TFAP2E: variants seen among roughly 807,000 people sequenced by gnomAD.
TFAP2E encodes transcription factor AP-2 epsilon.
A neutral mutation model predicts 37.9 loss-of-function variants in TFAP2E; 30 were observed. The observed-to-expected ratio is 0.79, with a 90% confidence interval of 0.59 to 1.07. TFAP2E has a LOEUF of 1.07. Among genes scored for constraint, TFAP2E ranks in the 50% least tolerant of loss-of-function variants. The pLI, the probability that TFAP2E is intolerant of heterozygous loss-of-function variation, is 0.00. For missense variants in TFAP2E, 567 were observed against 637.9 expected (o/e 0.89, Z 1.20); for synonymous variants, 318 against 295.8 (o/e 1.08, Z -0.77).
intron 3 of TFAP2E, among the ~76,000 whole-genome samples, chr1:35,575,652 A>C (rs1309483358): frequency 6.6e-6 from 1 of 151,606 alleles, no homozygotes; most frequent in Non-Finnish European, 1.5e-5. Context: ...TTGGAGTGTG[A>C]GTGTGTCTGT....
chr1:35,574,155 G>T lies in TFAP2E; in HGVS notation c.256G>T (p.Gly86Cys). Reference sequence around the variant, plus strand: ...CCACCTGGCAGGGGACCCATATGGCGGCCTGGCGCCCCTGGCGCAGCCGCA... The same window carrying T: ...CCACCTGGCAGGGGACCCATATGGCTGCCTGGCGCCCCTGGCGCAGCCGCA... ...FPHLAGDPYG[G>C]LAPLAQPQPP... Residue 86 changes from glycine to cysteine, a missense_variant, in exon 2 of 7, where the codon GGC (glycine) becomes TGC (cysteine). This residue lies in a region of TFAP2E where 312 missense variants were observed against 317.4 expected (regional missense o/e 0.98). Coordinates refer to ENST00000373235, the MANE Select transcript of TFAP2E (RefSeq NM_178548.4). The T allele has an allele frequency of 7.0e-7, 1 of 1,434,844 alleles. No individual in the cohort carries two copies. The allele number at this position is 1,434,844 out of a possible 1,614,324, so 88.9% of individuals were successfully genotyped here.
At chr1:35,584,517 T>A (rs1431651216) in intron 3 of TFAP2E, among the ~76,000 whole-genome samples, 6 of 152,130 alleles carry the variant, frequency 3.9e-5, no homozygotes, top group Admixed American at 3.9e-4. Flanking sequence ...TTTGCCCTTC[T>A]TTTTATTTTT....
chr1:35,582,291 T>G (rs143055814), intron 3 of TFAP2E, among the ~76,000 whole-genome samples: 1,931 of 152,284 alleles, frequency 0.013, 49 homozygotes, highest in African/African-American at 0.044. Context: ...ACCATTCATC[T>G]CTCATTTTTA....
Position 35,588,041 on chromosome 1 carries a change from C to T in TFAP2E, c.563-289C>T, listed in dbSNP as rs77166184. Among the ~76,000 whole-genome samples, 25,063 of 152,128 alleles carry T rather than the reference C, an allele frequency of 0.16. 2,693 individuals are homozygous for T. Among genetic ancestry groups the T allele is most frequent in the Non-Finnish European group, 0.25 (17,291 of 67,920 alleles). On this transcript the variant is annotated intron_variant, in intron 3 of 6. Coordinates refer to ENST00000373235, the MANE Select transcript of TFAP2E (RefSeq NM_178548.4). This position sits in a 1 kb window ranked among gnomAD's most constrained non-coding sequence, Gnocchi z 5.1. Reference sequence around the variant, plus strand: ...CCTCCAGCTCACACTCATATCCTTACATCCAGGTCCCTCTCTGATGGCATC... The same window carrying T: ...CCTCCAGCTCACACTCATATCCTTATATCCAGGTCCCTCTCTGATGGCATC...
chr1:35,593,145 G>C (rs372883313), intron 6 of TFAP2E, among the ~76,000 whole-genome samples: 79 of 152,158 alleles, frequency 5.2e-4, no homozygotes, highest in African/African-American at 1.8e-3. Context: ...AGGAGTTCAA[G>C]GCCAGCCTGG....
chr1:35,594,393 GGCA>G lies in TFAP2E; in HGVS notation c.1048_1050del (p.Gln350del). 1.2e-6 allele frequency: 2 copies of G among 1,612,646 alleles called. No individual in the cohort carries two copies. The highest frequency in any genetic ancestry group is 1.7e-6 in the Non-Finnish European group (2 of 1,179,732). ...ACCTCTGACCCTCCTTCTCGCACCA[GGCA>G]GATCTGCAAGGAGTTTGCAGACTTG... On this transcript the variant is annotated inframe_deletion and splice_region_variant, in exon 7 of 7. Coordinates refer to ENST00000373235, the MANE Select transcript of TFAP2E (RefSeq NM_178548.4).
At chr1:35,584,642 ATCC>A (rs1557436172) in intron 3 of TFAP2E, among the ~76,000 whole-genome samples, 1 of 152,028 alleles carries the variant, frequency 6.6e-6, no homozygotes, top group African/African-American at 2.4e-5. Context: ...GGCTCAAGCA[ATCC>A]TCCTACCTCA....
rs1649546775 is a variant in TFAP2E at position 35,588,270 on chromosome 1, C to T, written c.563-60C>T. Reference sequence around the variant, plus strand: ...CTTCATAAAGCAAGGATACCAGACCCTCCCTTGAGTGGGGCTGTGTGCGGC... The same window carrying T: ...CTTCATAAAGCAAGGATACCAGACCTTCCCTTGAGTGGGGCTGTGTGCGGC... On this transcript the variant is annotated intron_variant, in intron 3 of 6. Transcript: ENST00000373235. The surrounding 1 kb of genome is among the most constrained non-coding windows in gnomAD (Gnocchi z 5.1). 2 of 1,513,362 alleles carry T rather than the reference C, an allele frequency of 1.3e-6. No homozygotes were observed. Among genetic ancestry groups the T allele is most frequent in the Admixed American group, 3.8e-5 (2 of 52,992 alleles). The allele number at this position is 1,513,362 out of a possible 1,614,324, so 93.7% of individuals were successfully genotyped here. A position where few individuals can be genotyped will look rare whatever the true frequency, so the allele number is the denominator to read the frequency against.
Position 35,577,782 on chromosome 1 carries a change from G to C in TFAP2E, c.562+2782G>C, listed in dbSNP as rs1451206982. The C allele has an allele frequency of 8.5e-6, 2 of 236,216 alleles. No homozygotes were observed. Among genetic ancestry groups the C allele is most frequent in the Non-Finnish European group, 1.8e-5 (2 of 113,522 alleles). The allele number at this position is 236,216 out of a possible 1,614,324, so 14.6% of individuals were successfully genotyped here. The stretch of plus-strand genomic sequence containing the variant: ...CTGCAGGCAAGCGTCCGGGAGGGGC[G>C]GCCAGGCGAAGCCCCGGCGCTTTAC... On this transcript the variant is annotated intron_variant, in intron 3 of 6. Coordinates refer to ENST00000373235, the MANE Select transcript of TFAP2E (RefSeq NM_178548.4). This position sits in a 1 kb window ranked among gnomAD's most constrained non-coding sequence, Gnocchi z 6.3.
At chr1:35,576,331 T>C (rs940041166) in intron 3 of TFAP2E, among the ~76,000 whole-genome samples, 2 of 152,096 alleles carry the variant, frequency 1.3e-5, no homozygotes, top group Non-Finnish European at 2.9e-5. Flanking sequence ...CTGTGTCCTG[T>C]GTCGCTTGGA....
At position 35,573,722 on chromosome 1, in the gene TFAP2E, C is replaced by A; in HGVS notation, c.27+118C>A. 6.9e-7 allele frequency: 1 copy of A among 1,459,112 alleles called. No individual in the cohort carries two copies. The highest frequency in any genetic ancestry group is 1.3e-5 in the South Asian group (1 of 74,564). The allele number at this position is 1,459,112 out of a possible 1,614,324, so 90.4% of individuals were successfully genotyped here. On this transcript the variant is annotated intron_variant, in intron 1 of 6. Transcript: ENST00000373235. The surrounding 1 kb of genome is among the most constrained non-coding windows in gnomAD (Gnocchi z 5.9). ...TCTCGGAGGGAGGGGGCCGCAGGGA[C>A]TTCGCCAGCTGAGAACGCGATGCGC...
In TFAP2E at chr1:35,574,226, C is replaced by G; in HGVS notation, c.327C>G (p.Ala109=). ...AWAAPRAAAR[A]HEEPPGLLAP... Reference sequence around the variant, plus strand: ...CCGCGCCCCGCGCAGCCGCCCGCGCCCACGAGGAGCCTCCCGGCCTGCTGG... The same window carrying G: ...CCGCGCCCCGCGCAGCCGCCCGCGCGCACGAGGAGCCTCCCGGCCTGCTGG... Residue 109 remains alanine (A), a synonymous_variant, in exon 2 of 7, where the codon GCC becomes GCG. Transcript: ENST00000373235. The G allele has an allele frequency of 8.0e-7, 1 of 1,243,142 alleles. No homozygotes were observed. The highest frequency in any genetic ancestry group is 1.0e-6 in the Non-Finnish European group (1 of 990,524). 77.0% of individuals were successfully genotyped at this position (1,243,142 alleles called of 1,614,324 possible). A position where few individuals can be genotyped will look rare whatever the true frequency, so the allele number is the denominator to read the frequency against.
intron 6 of TFAP2E, 66 bp from the exon 7 acceptor site, chr1:35,594,328 T>C: frequency 6.4e-7 from 1 of 1,570,316 alleles, no homozygotes; most frequent in Non-Finnish European, 8.6e-7. Context: ...ATGCCTAGCA[T>C]GTAGCAGGTC....
chr1:35,585,589 T>C (rs923855688), intron 3 of TFAP2E, among the ~76,000 whole-genome samples: 4 of 152,262 alleles, frequency 2.6e-5, no homozygotes, highest in African/African-American at 9.6e-5. Flanking sequence ...TGAAGGCTAA[T>C]TTCAAACAAT....
chr1:35,588,652 T>C lies in TFAP2E; in HGVS notation c.785+100T>C, dbSNP rs1649561498. ...GGAGGCCAGTCTCACCTAGGCCCTC[T>C]GCCTCAGTCTCCCTGGGAGGGGAGG... On this transcript the variant is annotated intron_variant, in intron 4 of 6. Coordinates refer to ENST00000373235, the MANE Select transcript of TFAP2E (RefSeq NM_178548.4). The surrounding 1 kb of genome is among the most constrained non-coding windows in gnomAD (Gnocchi z 5.1). The C allele has an allele frequency of 1.1e-5, 14 of 1,243,568 alleles. No homozygotes were observed. In the South Asian group the frequency reaches 2.2e-4, roughly 19 times the overall value. 77.0% of individuals were successfully genotyped at this position (1,243,568 alleles called of 1,614,324 possible).
At position 35,574,538 on chromosome 1, in the gene TFAP2E, C is replaced by G. The variant is rs78656572; in HGVS notation, c.510+129C>G. On this transcript the variant is annotated intron_variant, in intron 2 of 6. Transcript: ENST00000373235. Reference sequence around the variant, plus strand: ...GCTCGCCACATCTCACTGGTGACTCCGAGGATGTGTCCCACCTCCTGGGTT... The same window carrying G: ...GCTCGCCACATCTCACTGGTGACTCGGAGGATGTGTCCCACCTCCTGGGTT... The G allele has an allele frequency of 3.1e-3, 4,179 of 1,340,280 alleles. 111 individuals are homozygous for G. The African/African-American group carries it at 0.056, about 18-fold the overall frequency. The allele number at this position is 1,340,280 out of a possible 1,614,324, so 83.0% of individuals were successfully genotyped here. A position where few individuals can be genotyped will look rare whatever the true frequency, so the allele number is the denominator to read the frequency against.
chr1:35,594,815 TG>T lies in TFAP2E; in HGVS notation c.*143del, dbSNP rs760668791. 7.5e-7 allele frequency: 1 copy of T among 1,329,958 alleles called. No homozygotes were observed. Among genetic ancestry groups the T allele is most frequent in the Non-Finnish European group, 1.0e-6 (1 of 980,292 alleles). 82.4% of individuals were successfully genotyped at this position (1,329,958 alleles called of 1,614,324 possible). The stretch of plus-strand genomic sequence containing the variant: ...AACATTCATCCAGAGATCCCAGAGT[TG>T]GGGATCTGGCTTGGAGTAAGGGAGG... On this transcript the variant is annotated 3_prime_UTR_variant, in exon 7 of 7. Transcript: ENST00000373235.
In TFAP2E at chr1:35,574,330, C is replaced by A; in HGVS notation, c.431C>A (p.Ala144Asp). Residue 144 changes from alanine to aspartate, a missense_variant, in exon 2 of 7, where the codon GCC (alanine) becomes GAC (aspartate). This residue lies in a region of TFAP2E where 312 missense variants were observed against 317.4 expected (regional missense o/e 0.98). Coordinates refer to ENST00000373235, the MANE Select transcript of TFAP2E (RefSeq NM_178548.4). ...TAVPRLLHGL[A>D]DGAHGLADAP... ...GTGCCCCGGCTCCTGCACGGCCTGG[C>A]CGACGGCGCGCACGGCCTGGCAGAC... 2 of 1,447,380 alleles carry A rather than the reference C, an allele frequency of 1.4e-6. No individual in the cohort carries two copies. The highest frequency in any genetic ancestry group is 1.5e-5 in the African/African-American group (1 of 66,996). The allele number at this position is 1,447,380 out of a possible 1,614,324, so 89.7% of individuals were successfully genotyped here.
chr1:35,587,334 GT>G (rs1462326221), intron 3 of TFAP2E, among the ~76,000 whole-genome samples: 2 of 152,184 alleles, frequency 1.3e-5, no homozygotes, highest in Admixed American at 1.3e-4. Context: ...GAATGTCTAA[GT>G]GAATTTTAGA....
Sources: allele counts gnomAD v4.1 joint callset (sites outside exome capture counted in the v4.1 genomes callset), GRCh38; gene constraint gnomAD v4.1.1; regional missense constraint gnomAD v4.1.1; non-coding constraint Gnocchi (gnomAD v3.1); transcripts MANE v1.5; gene names NCBI Gene and HGNC (gene_info 2026-07-23, HGNC 2026-07-21).